The following SPMIP7 variants were observed in gnomAD, a reference collection of about 807,000 sequenced individuals.
SPMIP7 encodes the protein sperm microtubule inner protein 7.
the SPMIP7 span, among the ~76,000 whole-genome samples, chr7:50,097,914 A>C: frequency 1.3e-5 from 2 of 152,310 alleles, no homozygotes; most frequent in South Asian, 4.1e-4. Flanking sequence ...ACCTGATAAA[A>C]CATTTCATTA....
At chr7:50,156,022 A>C in the SPMIP7 span, among the ~76,000 whole-genome samples, 1 of 152,044 alleles carries the variant, frequency 6.6e-6, no homozygotes, top group Non-Finnish European at 1.5e-5. Context: ...CAAGGCCTGC[A>C]CCTCTGCCTT....
At chr7:50,135,385 G>T in the SPMIP7 span, among the ~76,000 whole-genome samples, 2 of 152,104 alleles carry the variant, frequency 1.3e-5, no homozygotes, top group Non-Finnish European at 2.9e-5. Context: ...TTGAAATACA[G>T]CTCTTAATAT....
chr7:50,110,557 A>G, the SPMIP7 span, among the ~76,000 whole-genome samples: 1 of 143,692 alleles, frequency 7.0e-6, no homozygotes, highest in Non-Finnish European at 1.5e-5. Flanking sequence ...TTATATGCTT[A>G]TATTTATATA....
the SPMIP7 span, among the ~76,000 whole-genome samples, chr7:50,125,153 TATATATACAC>T: frequency 6.5e-5 from 3 of 45,994 alleles, 1 homozygote; most frequent in African/African-American, 3.1e-4. Flanking sequence ...TATACACACA[TATATATACAC>T]ATATATACAC....
chr7:50,147,004 C>G, the SPMIP7 span, among the ~76,000 whole-genome samples: 1 of 152,232 alleles, frequency 6.6e-6, no homozygotes, highest in Non-Finnish European at 1.5e-5. Flanking sequence ...GTTCACACAG[C>G]TGGTCAGGGC....
At chr7:50,141,727 CTTT>C in the SPMIP7 span, 16 of 76,950 alleles carry the variant, frequency 2.1e-4, no homozygotes, top group South Asian at 2.4e-3. Flanking sequence ...AGAGGAATCA[CTTT>C]TTTTTTTTTT....
chr7:50,126,004 A>G, the SPMIP7 span, among the ~76,000 whole-genome samples: 2 of 152,250 alleles, frequency 1.3e-5, no homozygotes, highest in South Asian at 4.1e-4. Context: ...ACAAATGATA[A>G]CAATGGGTGA....
chr7:50,142,662 C>T, the SPMIP7 span: 1 of 152,096 alleles, frequency 6.6e-6, no homozygotes, highest in Admixed American at 6.6e-5. Context: ...TATAACATAT[C>T]AAATAACGTA....
chr7:50,159,106 G>A, the SPMIP7 span: 1 of 1,551,858 alleles, frequency 6.4e-7, no homozygotes, highest in Non-Finnish European at 8.7e-7. Context: ...TGTCTCGACT[G>A]GTCACAACTG....
the SPMIP7 span, chr7:50,134,357 AAATTTATGTAAGATAAG>A: frequency 1.1e-6 from 1 of 920,692 alleles, no homozygotes; most frequent in Admixed American, 3.2e-5. Context: ...CTAAGGAAGT[AAATTTATGTAAGATAAG>A]TAAATATATA....
chr7:50,105,056 T>G, the SPMIP7 span, among the ~76,000 whole-genome samples: 1 of 152,180 alleles, frequency 6.6e-6, no homozygotes, highest in South Asian at 2.1e-4. Flanking sequence ...AAAACCAAAA[T>G]TTAAACCTAA....
chr7:50,136,986 A>T, the SPMIP7 span, among the ~76,000 whole-genome samples: 1 of 152,136 alleles, frequency 6.6e-6, no homozygotes, highest in Admixed American at 6.5e-5. Context: ...TTTTTTTCTA[A>T]GCATATCTAT....
the SPMIP7 span, among the ~76,000 whole-genome samples, chr7:50,154,831 A>G: frequency 5.3e-5 from 8 of 152,306 alleles, no homozygotes; most frequent in East Asian, 1.9e-4. Flanking sequence ...TCAACAGTCT[A>G]TCATTTCTCT....
At chr7:50,096,717 C>G in the SPMIP7 span, 2 of 1,123,172 alleles carry the variant, frequency 1.8e-6, no homozygotes, top group African/African-American at 3.1e-5. Flanking sequence ...AATATTTAGG[C>G]AGTTAAATTA....
chr7:50,118,185 A>G, the SPMIP7 span, among the ~76,000 whole-genome samples: 1 of 152,156 alleles, frequency 6.6e-6, no homozygotes, highest in Non-Finnish European at 1.5e-5. Context: ...ATGCCTGTAA[A>G]TTCAGTGTTA....
the SPMIP7 span, among the ~76,000 whole-genome samples, chr7:50,137,762 G>A: frequency 2.6e-5 from 4 of 152,040 alleles, no homozygotes; most frequent in East Asian, 1.9e-4. Flanking sequence ...GATTACTAAC[G>A]ATCAGTTTTT....
chr7:50,125,115 TACACACACACACACACACACACACAC>T, the SPMIP7 span, among the ~76,000 whole-genome samples: 117 of 24,826 alleles, frequency 4.7e-3, no homozygotes, highest in South Asian at 5.9e-3. Flanking sequence ...TATATATATA[TACACACACACACACACACACACACAC>T]ATATACACAC....
the SPMIP7 span, chr7:50,136,116 G>C: frequency 6.4e-7 from 1 of 1,551,204 alleles, no homozygotes; most frequent in Admixed American, 2.0e-5. Context: ...TGAGCTCTGG[G>C]ACAGATTTCA....
At chr7:50,118,298 C>T in the SPMIP7 span, among the ~76,000 whole-genome samples, 20 of 152,146 alleles carry the variant, frequency 1.3e-4, no homozygotes, top group Admixed American at 1.2e-3. Flanking sequence ...CTCCACAAAG[C>T]TCTTCACTCT....
Sources: allele counts gnomAD v4.1 joint callset (sites outside exome capture counted in the v4.1 genomes callset), GRCh38; gene constraint gnomAD v4.1.1; transcripts MANE v1.5; gene names NCBI Gene and HGNC (gene_info 2026-07-23, HGNC 2026-07-21).